Variants in IFT172 observed in about 807,000 individuals in gnomAD.
IFT172 encodes intraflagellar transport 172, also known as intraflagellar transport protein 172 homolog.
IFT172 carries 164 observed loss-of-function variants against 248.9 expected under a neutral mutation model. That is an observed-to-expected ratio of 0.66 (90% CI 0.58 to 0.75). The LOEUF (loss-of-function observed/expected upper bound fraction) is 0.75. Among genes scored for constraint, IFT172 ranks in the 30% least tolerant of loss-of-function variants. IFT172 has a pLI of 0.00. For missense variants in IFT172, 1,950 were observed against 2,192.4 expected, an observed-to-expected ratio of 0.89 and a Z score of 2.21; for synonymous variants, 729 against 791.6, an observed-to-expected ratio of 0.92 and a Z score of 1.33.
chr2:27,444,957 T>C, intron 47 of IFT172, 57 bp downstream of exon 47: 1 of 1,577,678 alleles, frequency 6.3e-7, no homozygotes. Flanking sequence ...ACTTGTTTTT[T>C]TTTCTTTTTT....
chr2:27,468,666 G>A (rs1325899773), intron 16 of IFT172, among the ~76,000 whole-genome samples: 6 of 151,730 alleles, frequency 4.0e-5, no homozygotes, highest in South Asian at 2.1e-4. Context: ...TGGCTAACAC[G>A]GTGAAACCCC....
rs1443049508 is a variant in IFT172, at chr2:27,454,249, G to A, written c.3531-87C>T. 6 of 1,599,712 alleles carry A rather than the reference G, an allele frequency of 3.8e-6. No homozygotes were observed. The highest frequency in any genetic ancestry group is 5.1e-6 in the Non-Finnish European group (6 of 1,167,398). On this transcript the variant is annotated intron_variant, in intron 32 of 47. Transcript: ENST00000260570. This position sits in a 1 kb window ranked among gnomAD's most constrained non-coding sequence, Gnocchi z 4.2. Reference sequence around the variant, plus strand: ...ACAAACAGCCATGTCACTGAGGGGTGTAACACTGATTTGTTCTAGGTTTGA... The same window carrying A: ...ACAAACAGCCATGTCACTGAGGGGTATAACACTGATTTGTTCTAGGTTTGA...
In IFT172 at chr2:27,446,349, C is replaced by T. The variant is rs141098495; in HGVS notation, c.4666G>A (p.Val1556Met). 150 of 1,614,164 alleles carry T rather than the reference C, an allele frequency of 9.3e-5. No homozygotes were observed. In the African/African-American group the frequency reaches 1.7e-3, roughly 18 times the overall value. The change falls in exon 43 of 48, where the codon GTG becomes ATG. Residue 1556 changes from valine (V) to methionine (M), a missense_variant. Val to Met is a conservative substitution (Grantham distance 21). This residue lies in a region of IFT172 where 620 missense variants were observed against 699.0 expected (regional missense o/e 0.89). Coordinates refer to ENST00000260570, the MANE Select transcript of IFT172 (RefSeq NM_015662.3). The part of the protein sequence containing the change: ...AAQSVKQLET[V>M]AARLSVSLLR... ...AGTGAAACAGAAAGCCTGGCAGCCACGGTTTCCTGGGATTAAAGTCAAAGC... is the reference window on the plus strand; with the variant it reads ...AGTGAAACAGAAAGCCTGGCAGCCATGGTTTCCTGGGATTAAAGTCAAAGC...
intron 25 of IFT172, 21 bp downstream of exon 25, chr2:27,459,357 C>T (rs564135759): frequency 1.1e-5 from 17 of 1,612,866 alleles, no homozygotes; most frequent in Middle Eastern, 3.3e-4. Flanking sequence ...CCTCGTGCTG[C>T]GGAAAGGGAC....
intron 1 of IFT172, among the ~76,000 whole-genome samples, chr2:27,487,211 C>T (rs1364575817): frequency 2.0e-5 from 3 of 152,188 alleles, no homozygotes; most frequent in Non-Finnish European, 4.4e-5. Context: ...TCCTGAAGTG[C>T]TGGGATTACA....
intron 7 of IFT172, among the ~76,000 whole-genome samples, chr2:27,482,994 A>G (rs963325741): frequency 7.1e-6 from 1 of 141,666 alleles, no homozygotes; most frequent in Admixed American, 7.3e-5. Context: ...CCCCTATTCC[A>G]CAGCATCTTT....
chr2:27,456,701 T>C (rs892028531), intron 29 of IFT172, 48 bp from the exon 30 acceptor site: 12 of 1,588,984 alleles, frequency 7.6e-6, no homozygotes, highest in Non-Finnish European at 1.0e-5. Flanking sequence ...AGCTTCTCCC[T>C]TCTCATCTCT....
chr2:27,461,577 A>T, intron 21 of IFT172, 60 bp from the exon 22 acceptor site: 1 of 1,584,082 alleles, frequency 6.3e-7, no homozygotes, highest in Admixed American at 1.7e-5. Context: ...TCTGCCTCCC[A>T]TGCTTCTCCA....
rs979602305 is a variant in IFT172 at position 27,445,215 on chromosome 2, C to G, written c.5068+81G>C. The G allele has an allele frequency of 2.1e-5, 34 of 1,582,144 alleles. No homozygotes were observed. The highest frequency in any genetic ancestry group is 2.3e-5 in the South Asian group (2 of 87,184). On this transcript the variant is annotated intron_variant, in intron 46 of 47. Transcript: ENST00000260570. The surrounding 1 kb of genome is among the most constrained non-coding windows in gnomAD (Gnocchi z 4.4). The stretch of plus-strand genomic sequence containing the variant: ...ACAGTCCTGTCTTTTGTACCCTTTA[C>G]TGAATCCTAGTAAAATTAAGTTTAT...
intron 14 of IFT172, among the ~76,000 whole-genome samples, chr2:27,475,804 T>G (rs1370255231): frequency 6.6e-6 from 1 of 151,622 alleles, no homozygotes; most frequent in African/African-American, 2.4e-5. Context: ...TTAATTAATT[T>G]CTTTTTTCAT....
rs77876269 is a variant in IFT172, at chr2:27,449,589, C to T, written c.4161-27G>A. 5.0e-3 allele frequency: 8,103 copies of T among 1,614,064 alleles called. 26 individuals carry two copies. The highest frequency in any genetic ancestry group is 6.4e-3 in the Non-Finnish European group (7,524 of 1,179,958). ...TGTGAAGATGTTCAGAGAGCTCCAT[C>T]TTCATGTTCCAGAATACCAACCCTC... is the stretch of plus-strand genomic sequence containing the variant. On this transcript the variant is annotated intron_variant, in intron 37 of 47. Coordinates refer to ENST00000260570, the MANE Select transcript of IFT172 (RefSeq NM_015662.3).
Position 27,483,674 on chromosome 2 carries a change from A to C in IFT172, c.403-15T>G. On this transcript the variant is annotated splice_polypyrimidine_tract_variant and intron_variant, in intron 5 of 47. Transcript: ENST00000260570. ...GCTAAACGAACCTGAAAATGGAAAA[A>C]TTGATACAAGTATGGTTAGGCTATT... 1 of 1,613,146 alleles carries C rather than the reference A, an allele frequency of 6.2e-7. No homozygotes were observed. The highest frequency in any genetic ancestry group is 1.1e-5 in the South Asian group (1 of 91,024).
intron 15 of IFT172, chr2:27,471,763 T>G (rs555305721): frequency 5.5e-6 from 1 of 183,102 alleles, no homozygotes; most frequent in Non-Finnish European, 1.1e-5. Flanking sequence ...GGCGCATGGC[T>G]CAACACCTGT....
At chr2:27,482,991 T>C (rs1183805393) in intron 7 of IFT172, among the ~76,000 whole-genome samples, 1 of 145,530 alleles carries the variant, frequency 6.9e-6, no homozygotes, top group East Asian at 2.0e-4. Flanking sequence ...TATCCCCTAT[T>C]CCACAGCATC....
Position 27,465,523 on chromosome 2 carries a change from A to G in IFT172, c.1830-5T>C. The G allele has an allele frequency of 6.2e-7, 1 of 1,613,512 alleles. No homozygotes were observed. The highest frequency in any genetic ancestry group is 8.5e-7 in the Non-Finnish European group (1 of 1,179,506). The stretch of plus-strand genomic sequence containing the variant: ...GTCTCTAAGAAGGCTGTTGCCCTGG[A>G]AAGGGAAGGAAGCAAAGCATAATGA... On this transcript the variant is annotated splice_region_variant and splice_polypyrimidine_tract_variant and intron_variant, in intron 17 of 47. Transcript: ENST00000260570.
In IFT172 at chr2:27,479,571, A is replaced by G. The variant is rs1437343049; in HGVS notation, c.943T>C (p.Cys315Arg). 1 of 1,613,404 alleles carries G rather than the reference A, an allele frequency of 6.2e-7. No homozygotes were observed. The highest frequency in any genetic ancestry group is 8.5e-7 in the Non-Finnish European group (1 of 1,179,356). ...TLCGGVEQFD[C>R]CLRRSIYKNK... ...TTGTAAATACTCCTTCGGAGGCAGC[A>G]GTCAAACTGTTCCACCCCACCACAT... The change falls in exon 10 of 48, where the codon TGC (cysteine) becomes CGC (arginine). Residue 315 changes from cysteine to arginine, a missense_variant. Transcript: ENST00000260570.
chr2:27,483,215 C>T, intron 7 of IFT172, 74 bp downstream of exon 7: 4 of 855,650 alleles, frequency 4.7e-6, no homozygotes. Context: ...CAGGGTTTCA[C>T]TGTGTTGCCC....
intron 1 of IFT172, among the ~76,000 whole-genome samples, chr2:27,486,647 T>C (rs1413648860): frequency 6.6e-6 from 1 of 152,230 alleles, no homozygotes; most frequent in Non-Finnish European, 1.5e-5. Flanking sequence ...ACCATCACTA[T>C]GATCCTCTAA....
intron 6 of IFT172, 59 bp downstream of exon 6, chr2:27,483,521 T>C: frequency 6.4e-6 from 10 of 1,572,568 alleles, no homozygotes; most frequent in Non-Finnish European, 8.7e-6. Flanking sequence ...AGTCCAGACT[T>C]CCCCACAGCA....
Sources: allele counts gnomAD v4.1 joint callset (sites outside exome capture counted in the v4.1 genomes callset), GRCh38; gene constraint gnomAD v4.1.1; regional missense constraint gnomAD v4.1.1; non-coding constraint Gnocchi (gnomAD v3.1); transcripts MANE v1.5; gene names NCBI Gene and HGNC (gene_info 2026-07-23, HGNC 2026-07-21).